CNTN5: variants seen among roughly 807,000 people sequenced by gnomAD.
CNTN5 encodes the protein contactin-5.
CNTN5 carries 77 observed loss-of-function variants against 129.1 expected under a neutral mutation model. That is an observed-to-expected ratio of 0.60 (90% CI 0.50 to 0.72). CNTN5 has a LOEUF of 0.72. Among genes scored for constraint, CNTN5 ranks in the 30% least tolerant of loss-of-function variants. The pLI is 0.00. For synonymous variants in CNTN5, 509 were observed against 465.6 expected, an observed-to-expected ratio of 1.09 and a Z score of -1.20; for missense variants, 1,478 against 1,328.8, an observed-to-expected ratio of 1.11 and a Z score of -1.75.
intron 3 of CNTN5, among the ~76,000 whole-genome samples, chr11:99,575,895 C>A (rs543133727): frequency 6.6e-6 from 1 of 152,238 alleles, no homozygotes; most frequent in African/African-American, 2.4e-5. Context: ...TAGAACTAAG[C>A]AGCATGGCAG....
intron 13 of CNTN5, among the ~76,000 whole-genome samples, chr11:100,182,791 ATTAAAC>A (rs1160402286): frequency 1.3e-5 from 2 of 152,024 alleles, no homozygotes; most frequent in Admixed American, 1.3e-4. Context: ...AAATCAATAA[ATTAAAC>A]TTCAACATGA....
chr11:99,399,630 T>C (rs1396104145), intron 2 of CNTN5, among the ~76,000 whole-genome samples: 2 of 151,568 alleles, frequency 1.3e-5, no homozygotes, highest in Non-Finnish European at 3.0e-5. Flanking sequence ...TAAGTGTTGG[T>C]GGAACAGTGG....
rs140293623 is a variant in CNTN5, at chr11:99,725,673, C to T, written c.56-93871C>T. ...CAAAAAAGATATTATTTTTATATTT[C>T]GTAAACATATGTATTCTTAGAACAG... On this transcript the variant is annotated intron_variant, in intron 3 of 24. Coordinates refer to ENST00000524871, the MANE Select transcript of CNTN5 (RefSeq NM_014361.4). 6.6e-5 allele frequency among the ~76,000 whole-genome samples: 10 copies of T among 152,208 alleles called. No homozygotes were observed. In the South Asian group the frequency reaches 1.7e-3, roughly 25 times the overall value.
chr11:99,164,143 T>A (rs1860759345), intron 1 of CNTN5, among the ~76,000 whole-genome samples: 1 of 151,926 alleles, frequency 6.6e-6, no homozygotes, highest in Admixed American at 6.6e-5. Context: ...CTGGCCAACA[T>A]GGTGAAACCC....
At chr11:99,338,991 A>ATATG (rs1267682121) in intron 2 of CNTN5, among the ~76,000 whole-genome samples, 10 of 126,648 alleles carry the variant, frequency 7.9e-5, no homozygotes, top group African/African-American at 3.1e-4. Context: ...GTATATATAT[A>ATATG]TATAGTGTCC....
At chr11:99,883,550 A>T (rs1157476859) in intron 6 of CNTN5, among the ~76,000 whole-genome samples, 1 of 152,222 alleles carries the variant, frequency 6.6e-6, no homozygotes, top group Non-Finnish European at 1.5e-5. Context: ...TTCCTTGTTA[A>T]CATGCTCATG....
chr11:99,584,026 T>C (rs1300501400), intron 3 of CNTN5, among the ~76,000 whole-genome samples: 1 of 152,226 alleles, frequency 6.6e-6, no homozygotes, highest in Non-Finnish European at 1.5e-5. Context: ...ACAGCCATCA[T>C]TATAAAATTA....
intron 2 of CNTN5, among the ~76,000 whole-genome samples, chr11:99,511,923 A>C (rs1738383094): frequency 6.6e-6 from 1 of 152,098 alleles, no homozygotes; most frequent in African/African-American, 2.4e-5. Flanking sequence ...TTGTGTTTTA[A>C]GCTCAATGTT....
At chr11:100,252,381 G>C (rs1949981020) in intron 16 of CNTN5, among the ~76,000 whole-genome samples, 1 of 152,008 alleles carries the variant, frequency 6.6e-6, no homozygotes, top group South Asian at 2.1e-4. Flanking sequence ...TCATTCTGTT[G>C]ATTATTTCTT....
Position 99,875,389 on chromosome 11 carries a change from T to C in CNTN5, c.577+30127T>C, listed in dbSNP as rs146636521. Among the ~76,000 whole-genome samples the C allele has an allele frequency of 6.5e-3, 989 of 152,318 alleles. 11 individuals are homozygous for C. Among genetic ancestry groups the C allele is most frequent in the African/African-American group, 0.023 (940 of 41,568 alleles). On this transcript the variant is annotated intron_variant, in intron 6 of 24. Transcript: ENST00000524871. The stretch of plus-strand genomic sequence containing the variant: ...TGGGAAGTTGATTATTAAAACACTC[T>C]TCATACTTAAAGTGGAGCAAAATAA...
chr11:99,898,659 A>G (rs1949272399), intron 6 of CNTN5, among the ~76,000 whole-genome samples: 1 of 151,956 alleles, frequency 6.6e-6, no homozygotes, highest in Non-Finnish European at 1.5e-5. Flanking sequence ...TATTTAAAGA[A>G]TATTCCTAGA....
At chr11:100,226,455 G>A (rs929655330) in intron 16 of CNTN5, among the ~76,000 whole-genome samples, 7 of 152,060 alleles carry the variant, frequency 4.6e-5, no homozygotes, top group African/African-American at 1.7e-4. Flanking sequence ...ACTCAACAGG[G>A]TTTAGAATAT....
At chr11:99,177,622 T>A (rs572038851) in intron 1 of CNTN5, among the ~76,000 whole-genome samples, 2 of 152,176 alleles carry the variant, frequency 1.3e-5, no homozygotes, top group Non-Finnish European at 2.9e-5. Flanking sequence ...GTGGGATTAG[T>A]CAGTCAATCA....
At chr11:99,059,040 C>T in intron 1 of CNTN5, among the ~76,000 whole-genome samples, 1 of 147,310 alleles carries the variant, frequency 6.8e-6, no homozygotes, top group Non-Finnish European at 1.5e-5. Flanking sequence ...TCCCTCCCTC[C>T]CTCCCTCCTT....
At chr11:99,776,354 A>G (rs1169482863) in intron 3 of CNTN5, among the ~76,000 whole-genome samples, 2 of 151,966 alleles carry the variant, frequency 1.3e-5, no homozygotes, top group Non-Finnish European at 2.9e-5. Flanking sequence ...TTTTAAAGAA[A>G]TCGATTTCAA....
At chr11:100,158,952 A>T (rs1947347962) in intron 13 of CNTN5, among the ~76,000 whole-genome samples, 1 of 151,958 alleles carries the variant, frequency 6.6e-6, no homozygotes, top group African/African-American at 2.4e-5. Context: ...AATTCATGAC[A>T]GTGTATTCAG....
intron 9 of CNTN5, among the ~76,000 whole-genome samples, chr11:100,038,343 T>C (rs1942154747): frequency 6.6e-6 from 1 of 152,210 alleles, no homozygotes; most frequent in Non-Finnish European, 1.5e-5. Context: ...CAGTTTGTTA[T>C]GATTTCTGTT....
At chr11:99,380,396 C>G (rs1260066690) in intron 2 of CNTN5, among the ~76,000 whole-genome samples, 1 of 152,012 alleles carries the variant, frequency 6.6e-6, no homozygotes, top group Non-Finnish European at 1.5e-5. Context: ...TCTATAAAAC[C>G]TTTTTGTAAA....
At chr11:99,541,622 T>C (rs974304080) in intron 2 of CNTN5, among the ~76,000 whole-genome samples, 3 of 152,136 alleles carry the variant, frequency 2.0e-5, no homozygotes, top group African/African-American at 7.2e-5. Context: ...TGATGAATTC[T>C]GGGTCAAGGT....
Sources: gnomAD v4.1 joint callset for allele counts (sites outside exome capture counted in the v4.1 genomes callset) on GRCh38, gnomAD v4.1.1 for gene constraint, MANE v1.5 for transcripts, NCBI Gene and HGNC (gene_info 2026-07-23, HGNC 2026-07-21) for gene names.